ASIC5: variants seen among roughly 807,000 people sequenced by gnomAD.
The protein encoded by ASIC5 is bile acid-sensitive ion channel.
Under a neutral mutation model 51.2 loss-of-function variants are expected in ASIC5, and 52 were observed. The observed-to-expected ratio is 1.02, with a 90% CI of 0.81 to 1.28. The LOEUF is 1.28. ASIC5 is among the 50% of genes most tolerant of loss of function. ASIC5 has a pLI of 0.00. For synonymous variants in ASIC5, 231 were observed against 200.7 expected (o/e 1.15, Z -1.28); for missense variants, 635 against 595.0 (o/e 1.07, Z -0.70).
Position 155,863,086 on chromosome 4 carries a change from T to C in ASIC5, c.347+362A>G, listed in dbSNP as rs530126018. On this transcript the variant is annotated intron_variant, in intron 2 of 9. Transcript: ENST00000537611. ...GGCTGGGCACAGTGGCTCACATCTA[T>C]AATTTCAGCACTTTGGGAGGCTGAG... Among the ~76,000 whole-genome samples, 10 of 152,284 alleles carry C rather than the reference T, an allele frequency of 6.6e-5. No homozygotes were observed. The South Asian group carries it at 1.7e-3, about 25-fold the overall frequency.
chr4:155,842,813 C>T (rs1009419865), intron 5 of ASIC5, among the ~76,000 whole-genome samples: 6 of 151,728 alleles, frequency 4.0e-5, no homozygotes, highest in Admixed American at 2.6e-4. Context: ...AAATGAGGCT[C>T]GCGGGCAAAT....
intron 1 of ASIC5, among the ~76,000 whole-genome samples, chr4:155,865,842 C>A (rs1439610945): frequency 7.9e-5 from 12 of 151,946 alleles, no homozygotes; most frequent in Admixed American, 7.9e-4. Context: ...GAGTGCTGAT[C>A]AACATAGAAG....
rs1292436933 is a variant in ASIC5, at chr4:155,863,538, T to C, written c.257A>G (p.Asn86Ser). The C allele has an allele frequency of 6.2e-7, 1 of 1,613,776 alleles. No individual in the cohort carries two copies. Among genetic ancestry groups the C allele is most frequent in the Non-Finnish European group, 8.5e-7 (1 of 1,179,866 alleles). Residue 86 changes from asparagine (N) to serine (S), a missense_variant, in exon 2 of 10, where the codon AAC becomes AGC. Coordinates refer to ENST00000537611, the MANE Select transcript of ASIC5 (RefSeq NM_017419.3). The stretch of plus-strand genomic sequence containing the variant: ...CGTTGTGGTTGGCCATGTGAAGTAG[T>C]TGAGCAAGCGAATGTAGATCTGCCA... ...VTWQIYIRLL[N>S]YFTWPTTTSI...
chr4:155,846,988 TAAG>T, intron 4 of ASIC5, among the ~76,000 whole-genome samples: 1 of 152,052 alleles, frequency 6.6e-6, no homozygotes, highest in East Asian at 1.9e-4. Flanking sequence ...GCTATAAAAA[TAAG>T]GAGGTTTTTT....
chr4:155,842,740 A>T (rs903209566), intron 5 of ASIC5, among the ~76,000 whole-genome samples: 1 of 152,152 alleles, frequency 6.6e-6, no homozygotes, highest in African/African-American at 2.4e-5. Context: ...GCCAGGCAAC[A>T]TGGTGTTGCA....
In ASIC5 at chr4:155,849,488, T is replaced by G. The variant is rs573250895; in HGVS notation, c.711+2703A>C. 2.0e-5 allele frequency among the ~76,000 whole-genome samples: 3 copies of G among 152,116 alleles called. No individual in the cohort carries two copies. The South Asian group carries it at 6.2e-4, about 32-fold the overall frequency. On this transcript the variant is annotated intron_variant, in intron 4 of 9. Transcript: ENST00000537611. ...GGCAAAGTAAAATAAAGCAAACTAG[T>G]CCTAACATGATTTGTCTTTAGCAAA...
At chr4:155,831,022 C>CT (rs1260054657) in intron 9 of ASIC5, among the ~76,000 whole-genome samples, 1 of 152,184 alleles carries the variant, frequency 6.6e-6, no homozygotes, top group Non-Finnish European at 1.5e-5. Context: ...CTAAGGCCTT[C>CT]TTCTGTCTCC....
intron 2 of ASIC5, among the ~76,000 whole-genome samples, chr4:155,862,219 G>A (rs1480105723): frequency 6.6e-6 from 1 of 151,952 alleles, no homozygotes; most frequent in Non-Finnish European, 1.5e-5. Context: ...GGGGGGAAAG[G>A]ATTGATTTGT....
At chr4:155,843,544 A>G in intron 5 of ASIC5, 137 bp downstream of exon 5, 1 of 934,532 alleles carries the variant, frequency 1.1e-6, no homozygotes, top group Non-Finnish European at 1.6e-6. Flanking sequence ...GATAAAGGAA[A>G]ATAATCTGAA....
intron 4 of ASIC5, among the ~76,000 whole-genome samples, chr4:155,851,917 C>A (rs573658076): frequency 6.6e-6 from 1 of 151,962 alleles, no homozygotes; most frequent in Non-Finnish European, 1.5e-5. Flanking sequence ...CTTAGAATCT[C>A]TGGGTTTTCT....
rs558823378 is a variant in ASIC5 at position 155,838,034 on chromosome 4, C to A, written c.1066+779G>T. On this transcript the variant is annotated intron_variant, in intron 7 of 9. Coordinates refer to ENST00000537611, the MANE Select transcript of ASIC5 (RefSeq NM_017419.3). ...TTTTGTATATTCAGCCTGTGATCTA[C>A]ATAAAAAAAGATTCCTTCTACCTAT... Among the ~76,000 whole-genome samples, 4 of 152,174 alleles carry A rather than the reference C, an allele frequency of 2.6e-5. No individual in the cohort carries two copies. The South Asian group carries it at 6.2e-4, about 24-fold the overall frequency.
chr4:155,854,092 C>T lies in ASIC5; in HGVS notation c.570G>A (p.Lys190=), dbSNP rs779368497. ...STLLDCEFFG[K]PCSPKDFAHV... Reference sequence around the variant, plus strand: ...AAATCGTTACCTTTGGGCTACATGGCTTTCCAAAAAACTCACAGTCCAACA... The same window carrying T: ...AAATCGTTACCTTTGGGCTACATGGTTTTCCAAAAAACTCACAGTCCAACA... The change falls in exon 3 of 10, where the codon AAG becomes AAA. Residue 190 remains lysine, a synonymous_variant. Transcript: ENST00000537611. 6.2e-7 allele frequency: 1 copy of T among 1,611,764 alleles called. No homozygotes were observed. Among genetic ancestry groups the T allele is most frequent in the South Asian group, 1.1e-5 (1 of 90,854 alleles).
At chr4:155,853,049 T>C (rs1274037677) in intron 3 of ASIC5, among the ~76,000 whole-genome samples, 1 of 152,064 alleles carries the variant, frequency 6.6e-6, no homozygotes, top group Non-Finnish European at 1.5e-5. Flanking sequence ...AAGCCAGACC[T>C]ACTGTTGGAG....
At chr4:155,859,648 G>C (rs78602389) in intron 2 of ASIC5, among the ~76,000 whole-genome samples, 1 of 151,800 alleles carries the variant, frequency 6.6e-6, no homozygotes, top group South Asian at 2.1e-4. Flanking sequence ...TTTTTCAAAA[G>C]AATTAGAGAA....
chr4:155,842,998 C>G (rs1741156014), intron 5 of ASIC5, among the ~76,000 whole-genome samples: 1 of 152,110 alleles, frequency 6.6e-6, no homozygotes, highest in South Asian at 2.1e-4. Context: ...TGCAAACTTC[C>G]CAAGGCTCCA....
Position 155,863,709 on chromosome 4 carries a change from G to A in ASIC5, c.86C>T (p.Pro29Leu), listed in dbSNP as rs764818873. Residue 29 changes from proline (P) to leucine (L), a missense_variant, in exon 2 of 10, where the codon CCA becomes CTA. Physicochemically the swap from Pro to Leu is moderately conservative, Grantham distance 98. Coordinates refer to ENST00000537611, the MANE Select transcript of ASIC5 (RefSeq NM_017419.3). The stretch of plus-strand genomic sequence containing the variant: ...AAACTTCTTTCGCTCAGTGGGAGAT[G>A]GCAGTGGTTTCTTTGAAAGGCAAAG... ...IKLCLSKKPL[P>L]SPTERKKFDH... 4 of 1,613,654 alleles carry A rather than the reference G, an allele frequency of 2.5e-6. No individual in the cohort carries two copies. In the Admixed American group the frequency reaches 5.0e-5, roughly 20 times the overall value.
chr4:155,856,299 G>A (rs754093902), intron 2 of ASIC5, among the ~76,000 whole-genome samples: 7 of 152,004 alleles, frequency 4.6e-5, no homozygotes, highest in Non-Finnish European at 1.0e-4. Context: ...CAACACCCAT[G>A]GCCCCCACAA....
intron 2 of ASIC5, chr4:155,855,423 T>C (rs1741509093): frequency 6.6e-6 from 1 of 152,060 alleles, no homozygotes; most frequent in Admixed American, 6.6e-5. Flanking sequence ...AATTCTCTTA[T>C]CTTGCCGGGC....
intron 2 of ASIC5, among the ~76,000 whole-genome samples, chr4:155,857,412 CT>C (rs372959850): frequency 2.0e-5 from 3 of 152,230 alleles, no homozygotes; most frequent in African/African-American, 7.2e-5. Flanking sequence ...GCACTAGCCA[CT>C]GTGTCTGGCT....
Sources: allele counts gnomAD v4.1 joint callset (sites outside exome capture counted in the v4.1 genomes callset), GRCh38; gene constraint gnomAD v4.1.1; transcripts MANE v1.5; gene names NCBI Gene and HGNC (gene_info 2026-07-23, HGNC 2026-07-21).